The following FAM171A1 variants were observed in gnomAD, a reference collection of about 807,000 sequenced individuals.
FAM171A1 encodes the protein family with sequence similarity 171 member A1, also known as protein FAM171A1.
In FAM171A1, 23 loss-of-function variants were observed where a neutral mutation model predicts 74.9. The observed-to-expected ratio is 0.31, with a 90% CI of 0.22 to 0.44. FAM171A1 has a LOEUF of 0.44. Ranked by LOEUF, FAM171A1 falls within the 20% of genes least tolerant of loss-of-function variation. The probability of loss-of-function intolerance (pLI) is 1.00; values close to 1 mark genes in which losing one functional copy is unlikely to be tolerated. For missense variants in FAM171A1, 1,162 were observed against 1,159.2 expected (o/e 1.00, Z -0.03); for synonymous variants, 527 against 505.7 (o/e 1.04, Z -0.57).
chr10:15,317,985 G>C (rs917214797), intron 1 of FAM171A1, among the ~76,000 whole-genome samples: 5 of 152,144 alleles, frequency 3.3e-5, no homozygotes, highest in Admixed American at 2.0e-4. Flanking sequence ...TGCAGAGATG[G>C]GGTCTCACTA....
Position 15,213,659 on chromosome 10 carries a change from G to C in FAM171A1, c.1929C>G (p.Ile643Met), listed in dbSNP as rs141302989. 2.5e-5 allele frequency: 41 copies of C among 1,613,906 alleles called. No homozygotes were observed. The African/African-American group carries it at 3.6e-4, about 14-fold the overall frequency. The change falls in exon 8 of 8, where the codon ATC (isoleucine) becomes ATG (methionine). Residue 643 changes from isoleucine to methionine, a missense_variant. Transcript: ENST00000378116. This position sits in a 1 kb window ranked among gnomAD's most constrained non-coding sequence, Gnocchi z 6.8. ...CCGCATCCTGCAGGTGCTGCTGAGAGATGGCCTGGGAAGACAGGGGCTGGG... is the reference window on the plus strand; with the variant it reads ...CCGCATCCTGCAGGTGCTGCTGAGACATGGCCTGGGAAGACAGGGGCTGGG... The part of the protein sequence containing the change: ...IQPQPLSSQA[I>M]SQQHLQDAGT...
intron 3 of FAM171A1, among the ~76,000 whole-genome samples, chr10:15,271,236 A>G (rs145896438): frequency 2.6e-4 from 39 of 152,362 alleles, no homozygotes; most frequent in African/African-American, 8.7e-4. Context: ...TACGTGACAC[A>G]TGCACAAGCT....
intron 5 of FAM171A1, among the ~76,000 whole-genome samples, chr10:15,226,893 T>C (rs1429089944): frequency 6.6e-6 from 1 of 152,158 alleles, no homozygotes; most frequent in Non-Finnish European, 1.5e-5. Context: ...GCTTCCCACC[T>C]GGAGCTGTAT....
chr10:15,274,011 C>T (rs1834861403), intron 3 of FAM171A1, among the ~76,000 whole-genome samples: 1 of 152,126 alleles, frequency 6.6e-6, no homozygotes, highest in Non-Finnish European at 1.5e-5. Flanking sequence ...TCCTGTTCAA[C>T]ATAGTGTTGG....
chr10:15,223,656 T>C (rs1834068589), intron 5 of FAM171A1, among the ~76,000 whole-genome samples: 1 of 152,110 alleles, frequency 6.6e-6, no homozygotes, highest in South Asian at 2.1e-4. Flanking sequence ...CCCAGCACTT[T>C]GGGAGGCTGA....
chr10:15,339,995 A>G (rs189015818), intron 1 of FAM171A1, among the ~76,000 whole-genome samples: 19 of 152,276 alleles, frequency 1.2e-4, no homozygotes, highest in Non-Finnish European at 2.1e-4. Context: ...AGCATGGGGG[A>G]AAAGCCCCCA....
chr10:15,300,604 C>G (rs1301628650), intron 1 of FAM171A1, among the ~76,000 whole-genome samples: 1 of 132,118 alleles, frequency 7.6e-6, no homozygotes, highest in Non-Finnish European at 1.6e-5. Flanking sequence ...CCCTCCCACC[C>G]CCCAAAAAAA....
At chr10:15,215,112 G>A (rs1833951273) in intron 7 of FAM171A1, among the ~76,000 whole-genome samples, 1 of 152,030 alleles carries the variant, frequency 6.6e-6, no homozygotes, top group African/African-American at 2.4e-5. Context: ...ACTGTCTGGA[G>A]AGCCCTTTGC....
At chr10:15,367,247 A>C (rs934487044) in intron 1 of FAM171A1, among the ~76,000 whole-genome samples, 1 of 152,168 alleles carries the variant, frequency 6.6e-6, no homozygotes, top group Admixed American at 6.5e-5. Flanking sequence ...CTGAGAAAGT[A>C]TTAATACTTG....
chr10:15,226,745 G>A (rs1834112497), intron 5 of FAM171A1, among the ~76,000 whole-genome samples: 1 of 152,120 alleles, frequency 6.6e-6, no homozygotes, highest in South Asian at 2.1e-4. Flanking sequence ...AGAATACAGA[G>A]GTGGGGATTA....
intron 1 of FAM171A1, among the ~76,000 whole-genome samples, chr10:15,358,777 A>G (rs1339168162): frequency 6.6e-6 from 1 of 152,228 alleles, no homozygotes; most frequent in African/African-American, 2.4e-5. Flanking sequence ...GGGTGTTTTC[A>G]TCTTTGTTCA....
intron 5 of FAM171A1, among the ~76,000 whole-genome samples, chr10:15,230,737 C>T (rs1315548495): frequency 1.3e-5 from 2 of 152,088 alleles, no homozygotes; most frequent in African/African-American, 4.8e-5. Flanking sequence ...AAAATACTGG[C>T]AGACTTATAG....
At chr10:15,344,446 G>A (rs1339796231) in intron 1 of FAM171A1, among the ~76,000 whole-genome samples, 2 of 152,142 alleles carry the variant, frequency 1.3e-5, no homozygotes, top group African/African-American at 4.8e-5. Context: ...CTACTTGGGA[G>A]GACGAGGTGG....
At chr10:15,253,734 T>G (rs1165525041) in intron 4 of FAM171A1, among the ~76,000 whole-genome samples, 4 of 152,188 alleles carry the variant, frequency 2.6e-5, no homozygotes, top group Admixed American at 1.3e-4. Context: ...GAACAGCCTT[T>G]GATTTAAAAT....
upstream of FAM171A1, among the ~76,000 whole-genome samples, chr10:15,373,517 C>A (rs1327382184): frequency 6.6e-6 from 1 of 152,132 alleles, no homozygotes; most frequent in Non-Finnish European, 1.5e-5. Flanking sequence ...CAAATTACCT[C>A]CAGGAGTGTC....
intron 1 of FAM171A1, among the ~76,000 whole-genome samples, chr10:15,336,894 TTC>T (rs1307205043): frequency 2.2e-5 from 3 of 135,866 alleles, no homozygotes; most frequent in African/African-American, 7.7e-5. Flanking sequence ...ACCATGAATT[TTC>T]TTTCTTTCTT....
At chr10:15,369,266 G>A (rs571424387) in intron 1 of FAM171A1, among the ~76,000 whole-genome samples, 52 of 150,366 alleles carry the variant, frequency 3.5e-4, no homozygotes, top group Non-Finnish European at 7.5e-4. Flanking sequence ...TAATTCAGAA[G>A]TGCATGAATT....
intron 1 of FAM171A1, among the ~76,000 whole-genome samples, chr10:15,351,087 C>A (rs1835871561): frequency 6.6e-6 from 1 of 152,162 alleles, no homozygotes; most frequent in South Asian, 2.1e-4. Context: ...TTCACTCGTT[C>A]TCTTTTTCTT....
At chr10:15,299,949 G>A (rs974314900) in intron 1 of FAM171A1, among the ~76,000 whole-genome samples, 1 of 142,842 alleles carries the variant, frequency 7.0e-6, no homozygotes, top group Non-Finnish European at 1.5e-5. Context: ...GCAACAGAGT[G>A]AGACTCCATC....
Sources: allele counts gnomAD v4.1 joint callset (sites outside exome capture counted in the v4.1 genomes callset), GRCh38; gene constraint gnomAD v4.1.1; non-coding constraint Gnocchi (gnomAD v3.1); transcripts MANE v1.5; gene names NCBI Gene and HGNC (gene_info 2026-07-23, HGNC 2026-07-21).